Variants in TRAF3IP1 observed in about 807,000 individuals in gnomAD.
TRAF3IP1 encodes intraflagellar transport 54.
Under a neutral mutation model 89.9 loss-of-function variants are expected in TRAF3IP1, and 53 were observed. The ratio of observed to expected loss-of-function variants is 0.59; its 90% confidence interval spans 0.47 to 0.74. The LOEUF (loss-of-function observed/expected upper bound fraction) is 0.74. Ranked by LOEUF, TRAF3IP1 falls within the 30% of genes least tolerant of loss-of-function variation. The pLI is 0.00. For synonymous variants in TRAF3IP1, 311 were observed against 322.1 expected (o/e 0.97, Z 0.37); for missense variants, 806 against 866.1 (o/e 0.93, Z 0.87).
intron 15 of TRAF3IP1, among the ~76,000 whole-genome samples, chr2:238,364,711 A>G (rs1574944721): frequency 6.6e-6 from 1 of 151,876 alleles, no homozygotes; most frequent in South Asian, 2.1e-4. Flanking sequence ...TGAAATAGCT[A>G]TTGGAGTACT....
intron 15 of TRAF3IP1, among the ~76,000 whole-genome samples, chr2:238,370,025 T>C (rs1700040880): frequency 6.6e-6 from 1 of 152,186 alleles, no homozygotes; most frequent in Non-Finnish European, 1.5e-5. Context: ...CTTTCCCTGC[T>C]CCAGCCCCAG....
chr2:238,323,639 C>T (rs1697669767), intron 1 of TRAF3IP1, among the ~76,000 whole-genome samples: 1 of 152,192 alleles, frequency 6.6e-6, no homozygotes, highest in Non-Finnish European at 1.5e-5. Flanking sequence ...GTTTTTAAAA[C>T]ATGTCTTCCC....
At chr2:238,342,134 G>A (rs1398058154) in intron 8 of TRAF3IP1, among the ~76,000 whole-genome samples, 1 of 151,912 alleles carries the variant, frequency 6.6e-6, no homozygotes, top group Non-Finnish European at 1.5e-5. Flanking sequence ...GATTACAGGC[G>A]TGTGCCACTA....
rs778883208 is a variant in TRAF3IP1 at position 238,399,510 on chromosome 2, A to G, written c.*591A>G. ...TCTTTGTAATTGCATGTACTTCTCTATGTAATTTTCCTCTTGATCTCTACT... is the reference window on the plus strand; with the variant it reads ...TCTTTGTAATTGCATGTACTTCTCTGTGTAATTTTCCTCTTGATCTCTACT... On this transcript the variant is annotated 3_prime_UTR_variant, in exon 17 of 17. Coordinates refer to ENST00000373327, the MANE Select transcript of TRAF3IP1 (RefSeq NM_015650.4). 4 of 152,114 alleles carry G rather than the reference A, an allele frequency of 2.6e-5. No homozygotes were observed. Among genetic ancestry groups the G allele is most frequent in the Admixed American group, 6.5e-5 (1 of 15,270 alleles). 9.4% of individuals were successfully genotyped at this position (152,114 alleles called of 1,614,324 possible).
intron 15 of TRAF3IP1, among the ~76,000 whole-genome samples, chr2:238,388,969 A>G (rs1257555446): frequency 6.6e-6 from 1 of 152,140 alleles, no homozygotes; most frequent in Non-Finnish European, 1.5e-5. Context: ...ATATAAATCA[A>G]TTCCTGAGGT....
intron 15 of TRAF3IP1, among the ~76,000 whole-genome samples, chr2:238,361,708 C>T (rs1332700568): frequency 3.3e-5 from 5 of 152,110 alleles, no homozygotes; most frequent in Non-Finnish European, 7.3e-5. Flanking sequence ...CACTCCTCCC[C>T]GACTCTCCAG....
At chr2:238,359,301 C>T (rs1465090761) in intron 15 of TRAF3IP1, among the ~76,000 whole-genome samples, 1 of 152,204 alleles carries the variant, frequency 6.6e-6, no homozygotes, top group Non-Finnish European at 1.5e-5. Flanking sequence ...ACACACTCAT[C>T]ACCCTCCACA....
chr2:238,331,471 C>T (rs950515416), intron 5 of TRAF3IP1, among the ~76,000 whole-genome samples: 4 of 152,078 alleles, frequency 2.6e-5, no homozygotes, highest in African/African-American at 7.2e-5. Flanking sequence ...AGCGAGACTC[C>T]GTCTCAAACA....
chr2:238,342,590 A>G (rs1188661019), intron 8 of TRAF3IP1, among the ~76,000 whole-genome samples: 1 of 152,148 alleles, frequency 6.6e-6, no homozygotes, highest in East Asian at 1.9e-4. Flanking sequence ...AGTATGGAAA[A>G]CATTTGACAC....
rs1411715573 is a variant in TRAF3IP1, at chr2:238,328,848, A to G, written c.498+19A>G. On this transcript the variant is annotated intron_variant, in intron 4 of 16. Transcript: ENST00000373327. ...TACAGAGGTGAATTCCAAGTCGCAC[A>G]TCTTTGAAAATGAAATAGTGAGTCT... is the stretch of plus-strand genomic sequence containing the variant. The G allele has an allele frequency of 5.6e-6, 9 of 1,601,670 alleles. No homozygotes were observed. Among genetic ancestry groups the G allele is most frequent in the Non-Finnish European group, 7.7e-6 (9 of 1,174,302 alleles).
chr2:238,380,305 A>G (rs1184046533), intron 15 of TRAF3IP1, among the ~76,000 whole-genome samples: 1 of 152,086 alleles, frequency 6.6e-6, no homozygotes, highest in Non-Finnish European at 1.5e-5. Flanking sequence ...AGCCACGTGG[A>G]GAAGCTGCTT....
chr2:238,357,361 A>G (rs1699463257), intron 15 of TRAF3IP1, among the ~76,000 whole-genome samples: 1 of 152,210 alleles, frequency 6.6e-6, no homozygotes, highest in African/African-American at 2.4e-5. Flanking sequence ...ATAACTCAAC[A>G]ATTTAAAAAA....
chr2:238,378,975 G>A (rs1024683811), intron 15 of TRAF3IP1, among the ~76,000 whole-genome samples: 1 of 152,216 alleles, frequency 6.6e-6, no homozygotes, highest in Non-Finnish European at 1.5e-5. Flanking sequence ...GGAGGGTCCA[G>A]TCCTTCTTTG....
At chr2:238,381,947 C>G (rs1481622855) in intron 15 of TRAF3IP1, among the ~76,000 whole-genome samples, 2 of 152,120 alleles carry the variant, frequency 1.3e-5, no homozygotes, top group Non-Finnish European at 2.9e-5. Context: ...GAGGAGCGCG[C>G]TGAGTCAAGG....
rs557230072 is a variant in TRAF3IP1, at chr2:238,351,535, G to A, written c.1452-1292G>A. On this transcript the variant is annotated intron_variant, in intron 12 of 16. Coordinates refer to ENST00000373327, the MANE Select transcript of TRAF3IP1 (RefSeq NM_015650.4). This position sits in a 1 kb window ranked among gnomAD's most constrained non-coding sequence, Gnocchi z 5.2. Reference sequence around the variant, plus strand: ...CAAGGCGGGACAGAGAGGGCCTGCCGATCACGGCAGGCACAGGGGCGCAGG... The same window carrying A: ...CAAGGCGGGACAGAGAGGGCCTGCCAATCACGGCAGGCACAGGGGCGCAGG... Among the ~76,000 whole-genome samples the A allele has an allele frequency of 1.3e-5, 2 of 152,240 alleles. No homozygotes were observed. Among genetic ancestry groups the A allele is most frequent in the East Asian group, 1.9e-4 (1 of 5,170 alleles).
In TRAF3IP1 at chr2:238,353,196, AGAGGAG is replaced by A. The variant is rs1559372552; in HGVS notation, c.1600_1605del (p.Glu534_Glu535del). ...AGGTAACAGCAGTGGAACTAGAAGA[AGAGGAG>A]AAGCATGGTGAGTCCTGGGCACGAG... On this transcript the variant is annotated inframe_deletion, in exon 14 of 17. Coordinates refer to ENST00000373327, the MANE Select transcript of TRAF3IP1 (RefSeq NM_015650.4). 6.2e-7 allele frequency: 1 copy of A among 1,614,222 alleles called. No individual in the cohort carries two copies. The highest frequency in any genetic ancestry group is 1.1e-5 in the South Asian group (1 of 91,084).
intron 15 of TRAF3IP1, among the ~76,000 whole-genome samples, chr2:238,384,515 G>C (rs1023331298): frequency 1.3e-5 from 2 of 150,222 alleles, no homozygotes; most frequent in African/African-American, 4.9e-5. Flanking sequence ...TGGGATTACA[G>C]ATGCATGCCA....
intron 15 of TRAF3IP1, among the ~76,000 whole-genome samples, chr2:238,397,163 T>C (rs1225312725): frequency 1.3e-5 from 2 of 152,192 alleles, no homozygotes; most frequent in African/African-American, 4.8e-5. Flanking sequence ...TCTGCCTGTA[T>C]AGAGATTTGC....
At position 238,331,121 on chromosome 2, in the gene TRAF3IP1, T is replaced by C. The variant is rs117592005; in HGVS notation, c.916-1703T>C. Among the ~76,000 whole-genome samples, 33 of 152,108 alleles carry C rather than the reference T, an allele frequency of 2.2e-4. No individual in the cohort carries two copies. The East Asian group carries it at 6.2e-3, about 29-fold the overall frequency. ...ACGTTATGTTCCCTAAAACTGCTAA[T>C]GAGGTGACTGGCTTTTTAAGTAGAG... On this transcript the variant is annotated intron_variant, in intron 5 of 16. Coordinates refer to ENST00000373327, the MANE Select transcript of TRAF3IP1 (RefSeq NM_015650.4).
Sources: allele counts gnomAD v4.1 joint callset (sites outside exome capture counted in the v4.1 genomes callset), GRCh38; gene constraint gnomAD v4.1.1; non-coding constraint Gnocchi (gnomAD v3.1); transcripts MANE v1.5; gene names NCBI Gene and HGNC (gene_info 2026-07-23, HGNC 2026-07-21).